The following FCHO2 variants were observed in gnomAD, a reference collection of about 807,000 sequenced individuals.
FCHO2 encodes the protein F-BAR domain only protein 2.
Under a neutral mutation model 114.1 loss-of-function variants are expected in FCHO2, and 43 were observed. The observed-to-expected ratio is 0.38, with a 90% CI of 0.30 to 0.49. The LOEUF (loss-of-function observed/expected upper bound fraction) is 0.49, where lower values mean the gene tolerates loss of function less well. Ranked by LOEUF, FCHO2 falls within the 20% of genes least tolerant of loss-of-function variation. FCHO2 has a pLI of 0.97. For missense variants in FCHO2, 807 were observed against 950.4 expected (o/e 0.85, Z 1.98); for synonymous variants, 293 against 315.2 (o/e 0.93, Z 0.75).
chr5:72,974,084 C>G lies in FCHO2; in HGVS notation c.125+5495C>G, dbSNP rs1388220361. 2.0e-5 allele frequency among the ~76,000 whole-genome samples: 3 copies of G among 149,694 alleles called. No homozygotes were observed. In the South Asian group the frequency reaches 6.4e-4, roughly 32 times the overall value. ...TCTGAGAGATAGTTTGTTATAATTT[C>G]TGTTCTTTTACATTTGCTGAGGAGA... On this transcript the variant is annotated intron_variant, in intron 2 of 25. Transcript: ENST00000430046.
chr5:73,056,083 C>A lies in FCHO2; in HGVS notation c.1229C>A (p.Ser410Ter). ...RNLSNEELTK[S>*]KPSAPPNEKG... ...TAATTAGATGAGGAGTTAACAAAAT[C>A]AAAGCCATCTGCTCCACCCAATGAG... is the stretch of plus-strand genomic sequence containing the variant. The change falls in exon 16 of 26, where the codon TCA becomes TAA. Residue 410 changes from serine (S) to a stop codon, truncating the protein, a stop_gained. Transcript: ENST00000430046. LOFTEE classifies it high-confidence loss of function. 1 of 1,526,438 alleles carries A rather than the reference C, an allele frequency of 6.6e-7. No individual in the cohort carries two copies. The highest frequency in any genetic ancestry group is 1.3e-5 in the South Asian group (1 of 78,758). 94.6% of individuals were successfully genotyped at this position (1,526,438 alleles called of 1,614,324 possible).
chr5:73,019,473 G>A lies in FCHO2; in HGVS notation c.796+2165G>A, dbSNP rs576545374. Among the ~76,000 whole-genome samples, 9 of 152,180 alleles carry A rather than the reference G, an allele frequency of 5.9e-5. No individual in the cohort carries two copies. The South Asian group carries it at 1.2e-3, about 21-fold the overall frequency. ...GGGAGAATTGCTTGAACCCAGAGGC[G>A]GAGGTTGCAGTGAGCCAAGATTGCG... On this transcript the variant is annotated intron_variant, in intron 8 of 25. Transcript: ENST00000430046.
chr5:73,036,088 C>T (rs567763700), intron 9 of FCHO2, among the ~76,000 whole-genome samples: 20 of 152,140 alleles, frequency 1.3e-4, no homozygotes, highest in African/African-American at 4.3e-4. Context: ...TTAGGTGATC[C>T]GCCCACGTCG....
intron 11 of FCHO2, among the ~76,000 whole-genome samples, chr5:73,042,511 ATAT>A (rs1756852194): frequency 6.6e-6 from 1 of 152,198 alleles, no homozygotes; most frequent in Non-Finnish European, 1.5e-5. Flanking sequence ...ATAATGATCA[ATAT>A]TATCCAATTT....
At chr5:73,004,666 G>A (rs1045728407) in intron 5 of FCHO2, among the ~76,000 whole-genome samples, 2 of 151,890 alleles carry the variant, frequency 1.3e-5, no homozygotes, top group Admixed American at 6.6e-5. Flanking sequence ...TCCCTTTTTA[G>A]TAATGAGAGA....
chr5:73,018,565 T>C (rs1320395408), intron 8 of FCHO2, among the ~76,000 whole-genome samples: 2 of 152,006 alleles, frequency 1.3e-5, no homozygotes, highest in East Asian at 3.9e-4. Flanking sequence ...TTTATTGATA[T>C]ATTTTAATGG....
chr5:72,999,752 T>C (rs1250217088), intron 5 of FCHO2, among the ~76,000 whole-genome samples: 1 of 152,190 alleles, frequency 6.6e-6, no homozygotes, highest in Non-Finnish European at 1.5e-5. Context: ...TAAGTACTCA[T>C]TTTATATGTA....
intron 20 of FCHO2, among the ~76,000 whole-genome samples, chr5:73,075,940 AAT>A (rs1742889526): frequency 6.6e-6 from 1 of 152,142 alleles, no homozygotes; most frequent in Non-Finnish European, 1.5e-5. Flanking sequence ...TTGGTAGTGT[AAT>A]TAGTTTGTAG....
At chr5:73,048,515 C>T (rs370704563) in intron 11 of FCHO2, among the ~76,000 whole-genome samples, 1 of 152,058 alleles carries the variant, frequency 6.6e-6, no homozygotes, top group East Asian at 1.9e-4. Context: ...ATACTGAAAC[C>T]GAACCTGCAG....
intron 18 of FCHO2, among the ~76,000 whole-genome samples, chr5:73,065,517 TA>T (rs1027591019): frequency 1.8e-4 from 28 of 152,056 alleles, no homozygotes; most frequent in African/African-American, 6.8e-4. Flanking sequence ...AACAGTTATT[TA>T]ATCAGAGTTT....
In FCHO2 at chr5:72,990,830, A is replaced by T; in HGVS notation, c.461A>T (p.Lys154Ile). 1.3e-6 allele frequency: 2 copies of T among 1,551,188 alleles called. No individual in the cohort carries two copies. Among genetic ancestry groups the T allele is most frequent in the Non-Finnish European group, 1.7e-6 (2 of 1,146,892 alleles). ...AAGTGTGTAGAACAGGAGCGTTTGAAAAAGGAAGGAGCTACACAAAGAGAA... is the reference window on the plus strand; with the variant it reads ...AAGTGTGTAGAACAGGAGCGTTTGATAAAGGAAGGAGCTACACAAAGAGAA... ...NAKCVEQERL[K>I]KEGATQREIE... is the part of the protein sequence containing the mutation. The change falls in exon 5 of 26, where the codon AAA becomes ATA. Residue 154 changes from lysine to isoleucine, a missense_variant. Lys to Ile is a moderately radical substitution (Grantham distance 102). Coordinates refer to ENST00000430046, the MANE Select transcript of FCHO2 (RefSeq NM_138782.3).
At chr5:73,054,284 TTTG>T (rs1468959938) in intron 14 of FCHO2, 113 bp downstream of exon 14, 11 of 1,012,466 alleles carry the variant, frequency 1.1e-5, no homozygotes, top group South Asian at 1.7e-5. Context: ...GTTTTAGTGT[TTTG>T]TTGTAGATGT....
At chr5:73,010,405 T>C (rs1226416209) in intron 6 of FCHO2, among the ~76,000 whole-genome samples, 1 of 152,204 alleles carries the variant, frequency 6.6e-6, no homozygotes, top group Non-Finnish European at 1.5e-5. Context: ...ATGGCTAGTT[T>C]ATGGAAACTT....
chr5:72,968,076 C>G (rs1752301335), intron 1 of FCHO2, among the ~76,000 whole-genome samples: 1 of 151,998 alleles, frequency 6.6e-6, no homozygotes, highest in Admixed American at 6.6e-5. Flanking sequence ...AGGTGCCCAC[C>G]ACCACGCCCG....
chr5:73,045,985 TGAATCACTTC>T (rs1757033476), intron 11 of FCHO2, among the ~76,000 whole-genome samples: 1 of 152,214 alleles, frequency 6.6e-6, no homozygotes, highest in Non-Finnish European at 1.5e-5. Context: ...AGTTTTTCAG[TGAATCACTTC>T]GTAGAGTGAT....
At chr5:73,036,512 C>T (rs1756518197) in intron 9 of FCHO2, among the ~76,000 whole-genome samples, 1 of 151,544 alleles carries the variant, frequency 6.6e-6, no homozygotes, top group African/African-American at 2.4e-5. Flanking sequence ...TAGCTAGGAC[C>T]ACAGGCGCGC....
At position 73,020,353 on chromosome 5, in the gene FCHO2, G is replaced by A. The variant is rs1044878971; in HGVS notation, c.796+3045G>A. Among the ~76,000 whole-genome samples, 66 of 152,294 alleles carry A rather than the reference G, an allele frequency of 4.3e-4. 1 individual carries two copies. The highest frequency in any genetic ancestry group is 3.3e-3 in the Admixed American group (51 of 15,300). ...GCAGTAGGGCTACAGTCTACATCTG[G>A]TGAAAGAGCTTTGCTGGCTTGTTCT... On this transcript the variant is annotated intron_variant, in intron 8 of 25. Transcript: ENST00000430046.
chr5:73,070,054 C>T (rs977103466), intron 19 of FCHO2, among the ~76,000 whole-genome samples: 1 of 152,128 alleles, frequency 6.6e-6, no homozygotes, highest in African/African-American at 2.4e-5. Context: ...CTTGGACCTG[C>T]AGCATCTGCA....
chr5:73,072,218 AAG>A (rs2112881490), intron 19 of FCHO2, among the ~76,000 whole-genome samples: 1 of 152,128 alleles, frequency 6.6e-6, no homozygotes, highest in Non-Finnish European at 1.5e-5. Flanking sequence ...TTTCATATTT[AAG>A]AGAGTATAAT....
Sources: allele counts gnomAD v4.1 joint callset (sites outside exome capture counted in the v4.1 genomes callset), GRCh38; gene constraint gnomAD v4.1.1; transcripts MANE v1.5; gene names NCBI Gene and HGNC (gene_info 2026-07-23, HGNC 2026-07-21).